DSCAM: variants seen among roughly 807,000 people sequenced by gnomAD.
The protein encoded by DSCAM is cell adhesion molecule DSCAM.
In DSCAM, 47 loss-of-function variants were observed where a neutral mutation model predicts 217.7. The observed-to-expected ratio is 0.22, with a 90% CI of 0.17 to 0.28. DSCAM has a LOEUF of 0.28. Ranked by LOEUF, DSCAM falls within the 10% of genes least tolerant of loss-of-function variation. The pLI is 1.00. For missense variants in DSCAM, 2,080 were observed against 2,618.3 expected, an observed-to-expected ratio of 0.79 and a Z score of 4.49; for synonymous variants, 1,056 against 1,015.3, an observed-to-expected ratio of 1.04 and a Z score of -0.76.
chr21:40,250,576 G>A (rs1464911076), intron 11 of DSCAM, among the ~76,000 whole-genome samples: 1 of 152,186 alleles, frequency 6.6e-6, no homozygotes, highest in Non-Finnish European at 1.5e-5. Flanking sequence ...AACCCAGAAT[G>A]TCTGAATCCC....
chr21:40,659,863 C>G (rs567559261), intron 3 of DSCAM, among the ~76,000 whole-genome samples: 2 of 152,210 alleles, frequency 1.3e-5, no homozygotes, highest in Non-Finnish European at 2.9e-5. Flanking sequence ...TATTTTCAGA[C>G]AGGTTGCCAA....
intron 20 of DSCAM, among the ~76,000 whole-genome samples, chr21:40,102,307 C>A (rs931602974): frequency 1.3e-5 from 2 of 152,154 alleles, no homozygotes; most frequent in Non-Finnish European, 2.9e-5. Context: ...ATGTTTGCCT[C>A]CCCAAAGCCG....
intron 15 of DSCAM, among the ~76,000 whole-genome samples, chr21:40,172,872 C>T (rs142668011): frequency 6.6e-6 from 1 of 152,206 alleles, no homozygotes; most frequent in South Asian, 2.1e-4. Context: ...TTGTCTTCTA[C>T]AGGAGTTGGG....
chr21:40,246,933 T>C (rs2073234029), intron 11 of DSCAM, among the ~76,000 whole-genome samples: 1 of 152,078 alleles, frequency 6.6e-6, no homozygotes, highest in Non-Finnish European at 1.5e-5. Context: ...AGAGGTTGAA[T>C]TGGATTTATA....
chr21:40,537,872 G>A (rs1252642302), intron 3 of DSCAM, among the ~76,000 whole-genome samples: 2 of 152,160 alleles, frequency 1.3e-5, no homozygotes, highest in African/African-American at 4.8e-5. Context: ...CCTTACAGCA[G>A]CCCCAACAAA....
intron 1 of DSCAM, among the ~76,000 whole-genome samples, chr21:40,753,942 C>T (rs766825250): frequency 2.0e-5 from 3 of 152,208 alleles, no homozygotes; most frequent in Non-Finnish European, 2.9e-5. Context: ...TTCCACTTAA[C>T]CTGTCCACAC....
intron 3 of DSCAM, among the ~76,000 whole-genome samples, chr21:40,381,443 G>C (rs1419376778): frequency 6.6e-6 from 1 of 152,186 alleles, no homozygotes; most frequent in Non-Finnish European, 1.5e-5. Context: ...CAGGTTGACT[G>C]TCTGTTCCAG....
At chr21:40,688,073 G>A (rs913091489) in intron 3 of DSCAM, among the ~76,000 whole-genome samples, 4 of 152,164 alleles carry the variant, frequency 2.6e-5, no homozygotes, top group African/African-American at 9.7e-5. Flanking sequence ...ATCCTAAGAG[G>A]TAAAATTCTC....
At chr21:40,033,037 T>C (rs568658187) in intron 32 of DSCAM, among the ~76,000 whole-genome samples, 1 of 152,322 alleles carries the variant, frequency 6.6e-6, no homozygotes, top group East Asian at 1.9e-4. Context: ...GCATTTCATT[T>C]GTTCCACCCT....
chr21:40,819,673 C>G (rs1019571039), intron 1 of DSCAM, among the ~76,000 whole-genome samples: 4 of 152,058 alleles, frequency 2.6e-5, no homozygotes, highest in Non-Finnish European at 5.9e-5. Context: ...GGCTTATATG[C>G]GAATTTCTAA....
At chr21:40,088,705 T>C (rs1043901525) in intron 21 of DSCAM, among the ~76,000 whole-genome samples, 8 of 152,206 alleles carry the variant, frequency 5.3e-5, no homozygotes, top group Non-Finnish European at 7.4e-5. Context: ...ATTTCCTGCA[T>C]TGGTAGCTTT....
chr21:40,368,798 G>A (rs746168344), intron 4 of DSCAM, among the ~76,000 whole-genome samples: 2 of 152,182 alleles, frequency 1.3e-5, no homozygotes, highest in Non-Finnish European at 2.9e-5. Context: ...AATGCAATTT[G>A]ACTGCATTTG....
chr21:40,551,367 C>T (rs895629748), intron 3 of DSCAM, among the ~76,000 whole-genome samples: 2 of 152,266 alleles, frequency 1.3e-5, no homozygotes, highest in Non-Finnish European at 2.9e-5. Flanking sequence ...CAATTATTAT[C>T]TAAAGACCTG....
At chr21:40,355,194 G>A (rs754739665) in intron 4 of DSCAM, among the ~76,000 whole-genome samples, 5 of 152,160 alleles carry the variant, frequency 3.3e-5, no homozygotes, top group Non-Finnish European at 5.9e-5. Flanking sequence ...TGAAGTCCAC[G>A]TGCTATGGGT....
chr21:40,304,261 A>C (rs2074047494), intron 9 of DSCAM, among the ~76,000 whole-genome samples: 1 of 152,222 alleles, frequency 6.6e-6, no homozygotes, highest in Non-Finnish European at 1.5e-5. Flanking sequence ...CAATGTGCTA[A>C]GCTTTACAAT....
chr21:40,570,422 G>A (rs2076797271), intron 3 of DSCAM, among the ~76,000 whole-genome samples: 2 of 152,338 alleles, frequency 1.3e-5, no homozygotes, highest in Non-Finnish European at 2.9e-5. Context: ...GACAGAAGGA[G>A]CATGTCCTTC....
At chr21:40,657,556 C>G (rs1373890548) in intron 3 of DSCAM, among the ~76,000 whole-genome samples, 2 of 152,166 alleles carry the variant, frequency 1.3e-5, no homozygotes, top group Admixed American at 6.5e-5. Context: ...TACCAGAGGG[C>G]TGCACAGACA....
intron 6 of DSCAM, among the ~76,000 whole-genome samples, chr21:40,342,649 T>TATATATATATATATATATATA (rs1555907253): frequency 3.6e-4 from 14 of 38,976 alleles, no homozygotes; most frequent in African/African-American, 4.3e-4. Flanking sequence ...TATATATATA[T>TATATATATATATATATATATA]TTTTTTTTTT....
chr21:40,845,035 A>C (rs898314927), intron 1 of DSCAM, among the ~76,000 whole-genome samples: 4 of 152,192 alleles, frequency 2.6e-5, no homozygotes, highest in Admixed American at 6.5e-5. Context: ...AGGTCGCATT[A>C]GCAGAAGAGC....
Sources: allele counts gnomAD v4.1 joint callset (sites outside exome capture counted in the v4.1 genomes callset), GRCh38; gene constraint gnomAD v4.1.1; transcripts MANE v1.5; gene names NCBI Gene and HGNC (gene_info 2026-07-23, HGNC 2026-07-21).